NUP133: variants seen among roughly 807,000 people sequenced by gnomAD.
NUP133 encodes nuclear pore complex protein Nup133.
In NUP133, 66 loss-of-function variants were observed where a neutral mutation model predicts 146.2. The ratio of observed to expected loss-of-function variants is 0.45; its 90% CI spans 0.37 to 0.55. NUP133 has a LOEUF of 0.55. NUP133 is among the 20% of genes least tolerant of loss of function. NUP133 has a pLI of 0.00. For synonymous variants in NUP133, 521 were observed against 498.8 expected, an observed-to-expected ratio of 1.04 and a Z score of -0.59; for missense variants, 1,277 against 1,374.8, an observed-to-expected ratio of 0.93 and a Z score of 1.12.
At chr1:229,455,618 T>A (rs1189787977) in intron 21 of NUP133, among the ~76,000 whole-genome samples, 3 of 151,822 alleles carry the variant, frequency 2.0e-5, no homozygotes, top group South Asian at 2.1e-4. Context: ...ACAGAAAAAA[T>A]TTTAAAATGC....
rs372211120 is a variant in NUP133 at position 229,487,521 on chromosome 1, G to A, written c.1287C>T (p.Ser429=). Reference sequence around the variant, plus strand: ...GAAGAGAAAATTTCCCAGTTCCTGTGGAGCACACATAGACAGCACTTTCGT... The same window carrying A: ...GAAGAGAAAATTTCCCAGTTCCTGTAGAGCACACATAGACAGCACTTTCGT... ...LYNESAVYVC[S]TGTGKFSLPQ... The change falls in exon 10 of 26, where the codon TCC becomes TCT. Residue 429 remains serine, a synonymous_variant. Coordinates refer to ENST00000261396, the MANE Select transcript of NUP133 (RefSeq NM_018230.3). The A allele has an allele frequency of 2.5e-6, 4 of 1,613,672 alleles. No individual in the cohort carries two copies. In the African/African-American group the frequency reaches 4.0e-5, roughly 16 times the overall value.
intron 21 of NUP133, 73 bp downstream of exon 21, chr1:229,458,088 G>A: frequency 1.4e-6 from 2 of 1,472,236 alleles, no homozygotes; most frequent in East Asian, 4.6e-5. Flanking sequence ...CCTGCTAACT[G>A]ATGACAGGAA....
At position 229,508,280 on chromosome 1, in the gene NUP133, G is replaced by C. The variant is rs762087627; in HGVS notation, c.-31C>G. On this transcript the variant is annotated 5_prime_UTR_variant, in exon 1 of 26. Coordinates refer to ENST00000261396, the MANE Select transcript of NUP133 (RefSeq NM_018230.3). ...CAAGGAGCAGCGACTAGGACAGCGAGGGATCTGGCCGTCAGGTTGCAGCCT... is the reference window on the plus strand; with the variant it reads ...CAAGGAGCAGCGACTAGGACAGCGACGGATCTGGCCGTCAGGTTGCAGCCT... 1 of 1,410,976 alleles carries C rather than the reference G, an allele frequency of 7.1e-7. No homozygotes were observed. Among genetic ancestry groups the C allele is most frequent in the African/African-American group, 1.5e-5 (1 of 66,758 alleles). 87.4% of individuals were successfully genotyped at this position (1,410,976 alleles called of 1,614,324 possible).
At position 229,472,701 on chromosome 1, in the gene NUP133, A is replaced by AATATAT. The variant is rs762131305; in HGVS notation, c.1852-1898_1852-1897insATATAT. Among the ~76,000 whole-genome samples, 148 of 103,180 alleles carry AATATAT rather than the reference A, an allele frequency of 1.4e-3. 2 individuals carry two copies. Among genetic ancestry groups the AATATAT allele is most frequent in the African/African-American group, 7.5e-3 (137 of 18,274 alleles). The allele number at this position is 103,180 out of a possible 152,430, so 67.7% of individuals were successfully genotyped here. On this transcript the variant is annotated intron_variant, in intron 14 of 25. Coordinates refer to ENST00000261396, the MANE Select transcript of NUP133 (RefSeq NM_018230.3). The stretch of plus-strand genomic sequence containing the variant: ...CTGTCTCAAAAAAATTAAAAAACTA[A>AATATAT]ATATACATATATATATATATATATA...
At chr1:229,506,821 T>TAA (rs373882093) in intron 1 of NUP133, among the ~76,000 whole-genome samples, 1,596 of 131,182 alleles carry the variant, frequency 0.012, 14 homozygotes, top group East Asian at 0.017. Flanking sequence ...CCTGTCTCTT[T>TAA]AAAAAAAAAA....
chr1:229,476,348 T>C (rs1008346440), intron 13 of NUP133, among the ~76,000 whole-genome samples: 1 of 152,286 alleles, frequency 6.6e-6, no homozygotes, highest in Non-Finnish European at 1.5e-5. Flanking sequence ...AGCTCTCATG[T>C]TTTCTTCCTA....
Position 229,496,062 on chromosome 1 carries a change from AAAGG to A in NUP133, c.820-19_820-16del, listed in dbSNP as rs763794439. On this transcript the variant is annotated splice_polypyrimidine_tract_variant and intron_variant, in intron 6 of 25. Transcript: ENST00000261396. ...ACACTTGAAAGCTATTCAGAAAAGA[AAAGG>A]AAGTCAAATTCACAGATTAACTTCT... The A allele has an allele frequency of 6.5e-7, 1 of 1,541,540 alleles. No individual in the cohort carries two copies. Among genetic ancestry groups the A allele is most frequent in the Non-Finnish European group, 8.7e-7 (1 of 1,150,302 alleles).
intron 24 of NUP133, chr1:229,448,845 G>A (rs1046196225): frequency 1.6e-5 from 7 of 425,136 alleles, no homozygotes; most frequent in East Asian, 4.9e-5. Context: ...ATAGCTGGTC[G>A]GTGAGGAACA....
At chr1:229,463,769 A>G in intron 18 of NUP133, 93 bp from the exon 19 acceptor site, 2 of 1,296,872 alleles carry the variant, frequency 1.5e-6, no homozygotes, top group South Asian at 1.6e-5. Flanking sequence ...CTTTATTCCT[A>G]TTATAAACCA....
intron 3 of NUP133, among the ~76,000 whole-genome samples, chr1:229,501,495 G>A (rs1272355091): frequency 6.6e-6 from 1 of 152,188 alleles, no homozygotes; most frequent in African/African-American, 2.4e-5. Flanking sequence ...TATCTAAGCT[G>A]TAACAAACAG....
chr1:229,494,811 G>C (rs1197247914), intron 8 of NUP133, among the ~76,000 whole-genome samples: 1 of 152,178 alleles, frequency 6.6e-6, no homozygotes, highest in African/African-American at 2.4e-5. Context: ...AACAGAAAGA[G>C]GGTGGGAAAT....
At position 229,505,464 on chromosome 1, in the gene NUP133, G is replaced by T. The variant is rs941965172; in HGVS notation, c.301+576C>A. 2.0e-5 allele frequency among the ~76,000 whole-genome samples: 3 copies of T among 150,164 alleles called. No homozygotes were observed. In the Admixed American group the frequency reaches 2.0e-4, roughly 10 times the overall value. On this transcript the variant is annotated intron_variant, in intron 2 of 25. Transcript: ENST00000261396. ...GAAGATATCCCCCAAAGATAATGGG[G>T]GACTACTGTACAGTACCTAAAACCA...
In NUP133 at chr1:229,490,092, C is replaced by A; in HGVS notation, c.1057G>T (p.Val353Leu). ...GAGTGCCATGCTGCTGCCAAAATCA[C>A]CAGCCCATCACTAATCAATAAAAAA... ...LDLKQNCDGL[V>L]ILAAAWHSAD... The change falls in exon 9 of 26, where the codon GTG becomes TTG. Residue 353 changes from valine (V) to leucine (L), a missense_variant. Transcript: ENST00000261396. The A allele has an allele frequency of 6.3e-7, 1 of 1,585,882 alleles. No individual in the cohort carries two copies. Among genetic ancestry groups the A allele is most frequent in the Non-Finnish European group, 8.6e-7 (1 of 1,161,912 alleles).
rs538843631 is a variant in NUP133, at chr1:229,462,660, C to G, written c.2685+883G>C. ...CTGGCCTTGACCTCCTGGGCTCAAA[C>G]GATCCTGCCACCTTAGCCTCCTGAA... is the stretch of plus-strand genomic sequence containing the variant. On this transcript the variant is annotated intron_variant, in intron 19 of 25. Coordinates refer to ENST00000261396, the MANE Select transcript of NUP133 (RefSeq NM_018230.3). Among the ~76,000 whole-genome samples the G allele has an allele frequency of 7.2e-5, 11 of 151,976 alleles. No homozygotes were observed. In the South Asian group the frequency reaches 2.3e-3, roughly 32 times the overall value.
Position 229,460,996 on chromosome 1 carries a change from A to C in NUP133, c.2686-227T>G, listed in dbSNP as rs182773980. Among the ~76,000 whole-genome samples the C allele has an allele frequency of 3.9e-5, 6 of 152,342 alleles. No individual in the cohort carries two copies. In the East Asian group the frequency reaches 1.2e-3, roughly 29 times the overall value. ...GATCACTGACAAGATTAATGGCAGA[A>C]TCTAGATGTGCGCTGGCCAATATGG... On this transcript the variant is annotated intron_variant, in intron 19 of 25. Transcript: ENST00000261396.
chr1:229,493,158 A>G (rs573586373), intron 8 of NUP133, among the ~76,000 whole-genome samples: 1 of 152,200 alleles, frequency 6.6e-6, no homozygotes, highest in Non-Finnish European at 1.5e-5. Context: ...GTAATCATCT[A>G]GTAAAATAAT....
chr1:229,502,577 A>AAG (rs1553260713), intron 2 of NUP133, among the ~76,000 whole-genome samples: 3 of 150,736 alleles, frequency 2.0e-5, no homozygotes, highest in African/African-American at 4.9e-5. Context: ...AAAAAAAAAA[A>AAG]AAAGAAAGAA....
intron 15 of NUP133, among the ~76,000 whole-genome samples, chr1:229,467,332 G>A (rs879852477): frequency 6.6e-6 from 1 of 152,190 alleles, no homozygotes. Flanking sequence ...GTTCAAGTCT[G>A]CACTTAAGCT....
Position 229,502,797 on chromosome 1 carries a change from T to TAA in NUP133, c.302-697_302-696dup, listed in dbSNP as rs776726500. ...GGCAACATAGTGAGACTCTCTCTCT[T>TAA]AAAAAAAAAAAAAAAAAATAGCCAG... On this transcript the variant is annotated intron_variant, in intron 2 of 25. Transcript: ENST00000261396. Among the ~76,000 whole-genome samples the TAA allele has an allele frequency of 3.0e-3, 380 of 124,934 alleles. 1 individual carries two copies. Among genetic ancestry groups the TAA allele is most frequent in the African/African-American group, 0.01 (362 of 34,674 alleles). The allele number at this position is 124,934 out of a possible 152,430, so 82.0% of individuals were successfully genotyped here.
Sources: allele counts gnomAD v4.1 joint callset (sites outside exome capture counted in the v4.1 genomes callset), GRCh38; gene constraint gnomAD v4.1.1; transcripts MANE v1.5; gene names NCBI Gene and HGNC (gene_info 2026-07-23, HGNC 2026-07-21).